The following PDE3A variants were observed in gnomAD, a reference collection of about 807,000 sequenced individuals.
The protein encoded by PDE3A is cGMP-inhibited 3',5'-cyclic phosphodiesterase 3A.
PDE3A carries 43 observed loss-of-function variants against 98.3 expected under a neutral mutation model. That is an observed-to-expected ratio of 0.44 (90% CI 0.34 to 0.56). PDE3A has a LOEUF of 0.56. Among genes scored for constraint, PDE3A ranks in the 20% least tolerant of loss-of-function variants. The probability of loss-of-function intolerance (pLI) is 0.01; values close to 1 mark genes in which losing one functional copy is unlikely to be tolerated. For missense variants in PDE3A, 1,427 were observed against 1,440.7 expected, an observed-to-expected ratio of 0.99 and a Z score of 0.15; for synonymous variants, 663 against 567.9, an observed-to-expected ratio of 1.17 and a Z score of -2.38.
At chr12:20,585,200 A>ATAAG (rs1206274799) in intron 2 of PDE3A, among the ~76,000 whole-genome samples, 4 of 152,200 alleles carry the variant, frequency 2.6e-5, no homozygotes, top group African/African-American at 9.6e-5. Context: ...TGCTTAGTTT[A>ATAAG]TAAGTTCAGA....
chr12:20,557,673 G>A (rs974293808), intron 2 of PDE3A, among the ~76,000 whole-genome samples: 1 of 152,156 alleles, frequency 6.6e-6, no homozygotes, highest in Admixed American at 6.5e-5. Flanking sequence ...ACTTAATTCC[G>A]GTCACTAGGA....
chr12:20,546,106 G>T (rs754148105), intron 1 of PDE3A, among the ~76,000 whole-genome samples: 6 of 151,862 alleles, frequency 4.0e-5, no homozygotes, highest in African/African-American at 1.2e-4. Flanking sequence ...ATATGCAGGC[G>T]GTTCCTGCCA....
intron 1 of PDE3A, among the ~76,000 whole-genome samples, chr12:20,464,772 C>T (rs1945311421): frequency 6.6e-6 from 1 of 152,120 alleles, no homozygotes; most frequent in South Asian, 2.1e-4. Flanking sequence ...CACATGGATA[C>T]AGACATTAGT....
chr12:20,474,068 C>G (rs1038235821), intron 1 of PDE3A, among the ~76,000 whole-genome samples: 1 of 152,086 alleles, frequency 6.6e-6, no homozygotes, highest in Non-Finnish European at 1.5e-5. Context: ...AAAGTACACT[C>G]CAAAGTGATT....
chr12:20,660,649 G>A, intron 15 of PDE3A, among the ~76,000 whole-genome samples: 1 of 152,156 alleles, frequency 6.6e-6, no homozygotes. Flanking sequence ...AGATCTAATG[G>A]TTTTAAAAAG....
At chr12:20,431,622 C>CAT (rs397716836) in intron 1 of PDE3A, among the ~76,000 whole-genome samples, 13 of 151,174 alleles carry the variant, frequency 8.6e-5, no homozygotes, top group Non-Finnish European at 1.9e-4. Context: ...CACACACACA[C>CAT]GCACACACAC....
At chr12:20,650,677 A>T in intron 14 of PDE3A, 77 bp downstream of exon 14, 1 of 793,374 alleles carries the variant, frequency 1.3e-6, no homozygotes, top group Non-Finnish European at 2.0e-6. Flanking sequence ...TCTAACAGCT[A>T]TGAAAGTATG....
chr12:20,496,979 G>C (rs1330328435), intron 1 of PDE3A, among the ~76,000 whole-genome samples: 1 of 152,186 alleles, frequency 6.6e-6, no homozygotes, highest in African/African-American at 2.4e-5. Context: ...CCTTGTACTT[G>C]AATTCCACTT....
intron 1 of PDE3A, among the ~76,000 whole-genome samples, chr12:20,402,670 A>T (rs1233041883): frequency 1.3e-5 from 2 of 152,246 alleles, no homozygotes; most frequent in Non-Finnish European, 2.9e-5. Flanking sequence ...ACACTAAAAA[A>T]TTTTGAGCAA....
chr12:20,446,128 C>T (rs534542326), intron 1 of PDE3A, among the ~76,000 whole-genome samples: 1 of 152,272 alleles, frequency 6.6e-6, no homozygotes, highest in East Asian at 1.9e-4. Flanking sequence ...TGAAATGAAG[C>T]CCTTCCCATC....
intron 1 of PDE3A, among the ~76,000 whole-genome samples, chr12:20,400,903 G>T (rs536399655): frequency 6.6e-6 from 1 of 152,036 alleles, no homozygotes; most frequent in Non-Finnish European, 1.5e-5. Flanking sequence ...AGATATCACA[G>T]ATTCTCTTAA....
At chr12:20,528,105 C>T (rs1946560319) in intron 1 of PDE3A, among the ~76,000 whole-genome samples, 1 of 152,128 alleles carries the variant, frequency 6.6e-6, no homozygotes, top group African/African-American at 2.4e-5. Flanking sequence ...AATGCCCTGA[C>T]AACTTTAATT....
intron 2 of PDE3A, chr12:20,572,225 A>G (rs1363994202): frequency 2.6e-6 from 2 of 763,300 alleles, no homozygotes; most frequent in East Asian, 6.9e-5. Flanking sequence ...TATATTAGAG[A>G]AGGACAGTTG....
intron 1 of PDE3A, among the ~76,000 whole-genome samples, chr12:20,373,129 G>A (rs1014445111): frequency 6.6e-6 from 1 of 152,006 alleles, no homozygotes; most frequent in African/African-American, 2.4e-5. Context: ...AAAAAACAAA[G>A]TTTATAGTTC....
chr12:20,529,426 A>G (rs532338276), intron 1 of PDE3A, among the ~76,000 whole-genome samples: 2 of 152,284 alleles, frequency 1.3e-5, no homozygotes, highest in Admixed American at 1.3e-4. Flanking sequence ...TGATATCCTA[A>G]GCCCTAACAC....
At chr12:20,559,370 G>C (rs935290375) in intron 2 of PDE3A, among the ~76,000 whole-genome samples, 3 of 151,894 alleles carry the variant, frequency 2.0e-5, no homozygotes, top group African/African-American at 7.3e-5. Context: ...TATATACAAA[G>C]TGTAATAAGA....
intron 1 of PDE3A, among the ~76,000 whole-genome samples, chr12:20,448,699 T>A (rs929789975): frequency 6.6e-6 from 1 of 152,022 alleles, no homozygotes; most frequent in East Asian, 1.9e-4. Flanking sequence ...CACTAAAAAA[T>A]TTTATTTGTA....
At chr12:20,533,216 A>G (rs1484099438) in intron 1 of PDE3A, among the ~76,000 whole-genome samples, 1 of 152,130 alleles carries the variant, frequency 6.6e-6, no homozygotes, top group Non-Finnish European at 1.5e-5. Flanking sequence ...AGTTATTTAT[A>G]GTACAGTATG....
intron 2 of PDE3A, among the ~76,000 whole-genome samples, chr12:20,587,439 ATT>A (rs34663344): frequency 1.1e-4 from 17 of 150,688 alleles, no homozygotes; most frequent in Admixed American, 4.6e-4. Context: ...ATTGGGATGA[ATT>A]TTTTTTTTTA....
Sources: allele counts gnomAD v4.1 joint callset (sites outside exome capture counted in the v4.1 genomes callset), GRCh38; gene constraint gnomAD v4.1.1; transcripts MANE v1.5; gene names NCBI Gene and HGNC (gene_info 2026-07-23, HGNC 2026-07-21).